SMARCAL1: variants seen among roughly 807,000 people sequenced by gnomAD.
SMARCAL1 encodes the protein SNF2 related chromatin remodeling annealing helicase 1, also known as ATP-driven annealing helicase.
SMARCAL1 carries 58 observed loss-of-function variants against 94.5 expected under a neutral mutation model. The ratio of observed to expected loss-of-function variants is 0.61; its 90% CI spans 0.50 to 0.76. SMARCAL1 has a LOEUF of 0.76. Among genes scored for constraint, SMARCAL1 ranks in the 30% least tolerant of loss-of-function variants. The pLI, the probability that SMARCAL1 is intolerant of heterozygous loss-of-function variation, is 0.00. For missense variants in SMARCAL1, 1,051 were observed against 1,177.9 expected (o/e 0.89, Z 1.58); for synonymous variants, 422 against 455.1 (o/e 0.93, Z 0.93).
At chr2:216,466,697 G>A (rs1223304002) in intron 13 of SMARCAL1, among the ~76,000 whole-genome samples, 2 of 152,192 alleles carry the variant, frequency 1.3e-5, no homozygotes, top group African/African-American at 4.8e-5. Context: ...ATTGGGGCCT[G>A]TGGTTTTTAT....
At position 216,438,474 on chromosome 2, in the gene SMARCAL1, C is replaced by A. The variant is rs765026783; in HGVS notation, c.1699C>A (p.Pro567Thr). Residue 567 changes from proline to threonine, a missense_variant, in exon 10 of 18, where the codon CCG becomes ACG. This residue lies in a region of SMARCAL1 where 642 missense variants were observed against 754.7 expected (regional missense o/e 0.85). Coordinates refer to ENST00000357276, the MANE Select transcript of SMARCAL1 (RefSeq NM_014140.4). ...GACTGCCCGCTGTCGAGCAGCTATG[C>A]CGGTCCTAAAGGTGAGTACTTCTGA... is the stretch of plus-strand genomic sequence containing the variant. ...SRTARCRAAMPVLKVAKRVIL... is the reference protein window; with the variant it reads ...SRTARCRAAMTVLKVAKRVIL... 3 of 1,613,498 alleles carry A rather than the reference C, an allele frequency of 1.9e-6. 1 individual carries two copies. The highest frequency in any genetic ancestry group is 2.5e-6 in the Non-Finnish European group (3 of 1,179,712).
chr2:216,464,695 C>A, intron 13 of SMARCAL1, 28 bp downstream of exon 13: 4 of 1,411,558 alleles, frequency 2.8e-6, no homozygotes, highest in Non-Finnish European at 4.0e-6. Context: ...GTCGACCTCT[C>A]TCTCTCTCAT....
At position 216,482,654 on chromosome 2, in the gene SMARCAL1, T is replaced by G; in HGVS notation, c.2626-84T>G. 1.3e-6 allele frequency: 2 copies of G among 1,569,528 alleles called. No individual in the cohort carries two copies. The highest frequency in any genetic ancestry group is 2.2e-5 in the South Asian group (2 of 89,462). ...AAATGTGTGGTCTCTCATCTTTATA[T>G]TCTCTCATCAGCCCTAGTGGAGGAG... On this transcript the variant is annotated intron_variant, in intron 17 of 17. Transcript: ENST00000357276. The surrounding 1 kb of genome is among the most constrained non-coding windows in gnomAD (Gnocchi z 4.3).
intron 7 of SMARCAL1, 60 bp from the exon 8 acceptor site, chr2:216,432,658 A>G (rs1214985870): frequency 1.2e-6 from 2 of 1,605,502 alleles, no homozygotes; most frequent in East Asian, 4.5e-5. Flanking sequence ...CCCACCGGAC[A>G]TGAGGGCAGA....
chr2:216,444,649 G>A (rs1694265282), intron 10 of SMARCAL1, among the ~76,000 whole-genome samples: 1 of 152,160 alleles, frequency 6.6e-6, no homozygotes, highest in South Asian at 2.1e-4. Flanking sequence ...CTCCTGAGTA[G>A]TGGGATTACA....
Position 216,450,997 on chromosome 2 carries a change from G to A in SMARCAL1, c.2003G>A (p.Arg668Gln), listed in dbSNP as rs759292582. The change falls in exon 12 of 18, where the codon CGG (arginine) becomes CAG (glutamine). Residue 668 changes from arginine to glutamine, a missense_variant. Coordinates refer to ENST00000357276, the MANE Select transcript of SMARCAL1 (RefSeq NM_014140.4). The stretch of plus-strand genomic sequence containing the variant: ...AAGATAGTGGTGATTGCCCCAGGAC[G>A]GATCAATGCCAGGACCAGAGCTGCC... ...QRKIVVIAPG[R>Q]INARTRAALD... The A allele has an allele frequency of 9.9e-6, 16 of 1,614,064 alleles. No individual in the cohort carries two copies. The highest frequency in any genetic ancestry group is 5.3e-5 in the African/African-American group (4 of 74,918).
At chr2:216,413,273 A>G (rs1283892234) in intron 1 of SMARCAL1, among the ~76,000 whole-genome samples, 2 of 152,184 alleles carry the variant, frequency 1.3e-5, no homozygotes, top group Non-Finnish European at 2.9e-5. Flanking sequence ...CATCATTGTA[A>G]CCGTTACACA....
chr2:216,450,481 G>A (rs936300380), intron 11 of SMARCAL1, among the ~76,000 whole-genome samples: 8 of 152,184 alleles, frequency 5.3e-5, no homozygotes, highest in Non-Finnish European at 1.0e-4. Flanking sequence ...AAGCCATAGG[G>A]AAGATTTAGT....
At chr2:216,422,784 A>ACC (rs1693752589) in intron 5 of SMARCAL1, among the ~76,000 whole-genome samples, 1 of 152,242 alleles carries the variant, frequency 6.6e-6, no homozygotes, top group Admixed American at 6.5e-5. Context: ...ATTTACTGAG[A>ACC]CCAAGCTTTC....
At chr2:216,454,354 ATACT>A (rs1233314699) in intron 12 of SMARCAL1, among the ~76,000 whole-genome samples, 2 of 152,178 alleles carry the variant, frequency 1.3e-5, no homozygotes, top group Non-Finnish European at 2.9e-5. Flanking sequence ...ATAAAGAAAA[ATACT>A]TACAATCAGT....
chr2:216,460,914 G>A (rs371336438), intron 12 of SMARCAL1, among the ~76,000 whole-genome samples: 3 of 152,030 alleles, frequency 2.0e-5, no homozygotes, highest in African/African-American at 7.2e-5. Flanking sequence ...AATATTTTTG[G>A]GTCAACTGGG....
chr2:216,418,910 C>CTT (rs966893771), intron 4 of SMARCAL1, among the ~76,000 whole-genome samples: 6 of 152,170 alleles, frequency 3.9e-5, no homozygotes, highest in African/African-American at 1.4e-4. Flanking sequence ...TGTTGAACTA[C>CTT]TTTTGTCTTT....
At chr2:216,472,092 C>T (rs1694979229) in intron 14 of SMARCAL1, among the ~76,000 whole-genome samples, 1 of 152,152 alleles carries the variant, frequency 6.6e-6, no homozygotes, top group African/African-American at 2.4e-5. Flanking sequence ...CAGTGGCTCA[C>T]GCCTGTAATC....
chr2:216,435,235 G>A, intron 8 of SMARCAL1, 103 bp from the exon 9 acceptor site: 2 of 1,226,132 alleles, frequency 1.6e-6, no homozygotes, highest in Admixed American at 1.8e-5. Flanking sequence ...TGAGAGGAAG[G>A]TAGAGGTGAT....
intron 8 of SMARCAL1, among the ~76,000 whole-genome samples, chr2:216,433,379 C>A (rs1374635011): frequency 6.6e-6 from 1 of 151,934 alleles, no homozygotes; most frequent in Admixed American, 6.6e-5. Context: ...TGTGCCCGGC[C>A]CACACTTAAT....
At chr2:216,413,979 G>A (rs927684578) in intron 2 of SMARCAL1, 87 bp downstream of exon 2, 6 of 152,202 alleles carry the variant, frequency 3.9e-5, no homozygotes, top group South Asian at 2.1e-4. Context: ...ATGGATTTAC[G>A]TTGCAATGCA....
At chr2:216,478,350 C>A in intron 17 of SMARCAL1, 51 bp downstream of exon 17, 1 of 1,418,094 alleles carries the variant, frequency 7.1e-7, no homozygotes, top group Non-Finnish European at 1.0e-6. Flanking sequence ...AGGCATTAAG[C>A]TGTCTGCCAA....
In SMARCAL1 at chr2:216,417,077, C is replaced by G. The variant is rs111514305; in HGVS notation, c.862+770C>G. On this transcript the variant is annotated intron_variant, in intron 4 of 17. Coordinates refer to ENST00000357276, the MANE Select transcript of SMARCAL1 (RefSeq NM_014140.4). Reference sequence around the variant, plus strand: ...CATTTCTACACCGTCTCTTCCTCCCCCTAGCTTAAGAAAGGAAAAGATAAG... The same window carrying G: ...CATTTCTACACCGTCTCTTCCTCCCGCTAGCTTAAGAAAGGAAAAGATAAG... 5.3e-4 allele frequency among the ~76,000 whole-genome samples: 81 copies of G among 152,316 alleles called. 1 individual carries two copies. Among genetic ancestry groups the G allele is most frequent in the Non-Finnish European group, 1.0e-3 (68 of 68,026 alleles).
Position 216,475,140 on chromosome 2 carries a change from A to G in SMARCAL1, c.2245-129A>G. ...TCAATACCAATGTCAATTTGAAAAG[A>G]AAAGCTCTGAAGGCAGGGGCCTCTG... On this transcript the variant is annotated intron_variant, in intron 14 of 17. Transcript: ENST00000357276. The surrounding 1 kb of genome is among the most constrained non-coding windows in gnomAD (Gnocchi z 4.4). The G allele has an allele frequency of 1.2e-6, 1 of 809,864 alleles. No homozygotes were observed. The highest frequency in any genetic ancestry group is 2.0e-6 in the Non-Finnish European group (1 of 499,608). 50.2% of individuals were successfully genotyped at this position (809,864 alleles called of 1,614,324 possible). A position where few individuals can be genotyped will look rare whatever the true frequency, so the allele number is the denominator to read the frequency against.
Sources: gnomAD v4.1 joint callset for allele counts (sites outside exome capture counted in the v4.1 genomes callset) on GRCh38, gnomAD v4.1.1 for gene constraint, gnomAD v4.1.1 regional missense constraint, Gnocchi (gnomAD v3.1) non-coding constraint, MANE v1.5 for transcripts, NCBI Gene and HGNC (gene_info 2026-07-23, HGNC 2026-07-21) for gene names.